Variants in DLG2 observed in about 807,000 individuals in gnomAD.
DLG2 encodes the protein disks large homolog 2.
A neutral mutation model predicts 132.5 loss-of-function variants in DLG2; 45 were observed. The observed-to-expected ratio is 0.34, with a 90% confidence interval of 0.27 to 0.44. The LOEUF (loss-of-function observed/expected upper bound fraction) is 0.44, where lower values mean the gene tolerates loss of function less well. Among genes scored for constraint, DLG2 ranks in the 20% least tolerant of loss-of-function variants. DLG2 has a pLI of 1.00. For missense variants in DLG2, 1,045 were observed against 1,196.9 expected, an observed-to-expected ratio of 0.87 and a Z score of 1.87; for synonymous variants, 424 against 419.6, an observed-to-expected ratio of 1.01 and a Z score of -0.13.
intron 6 of DLG2, among the ~76,000 whole-genome samples, chr11:84,966,773 T>C (rs181135456): frequency 3.4e-4 from 52 of 152,218 alleles, no homozygotes; most frequent in African/African-American, 1.3e-3. Flanking sequence ...GGAAAGAACA[T>C]CACATTTCTG....
chr11:85,116,382 A>G (rs1340204659), intron 5 of DLG2, among the ~76,000 whole-genome samples: 3 of 151,918 alleles, frequency 2.0e-5, no homozygotes, highest in Admixed American at 6.6e-5. Flanking sequence ...TCAATTTCAT[A>G]TATTTCTAAA....
chr11:84,592,932 C>T (rs1402829170), intron 6 of DLG2, among the ~76,000 whole-genome samples: 2 of 35,966 alleles, frequency 5.6e-5, no homozygotes, highest in Admixed American at 4.7e-4. Flanking sequence ...CCTGTCTCTA[C>T]TAAAAAAAAA....
chr11:84,475,887 G>A (rs577934797), intron 7 of DLG2, among the ~76,000 whole-genome samples: 12 of 152,106 alleles, frequency 7.9e-5, no homozygotes, highest in Admixed American at 3.9e-4. Flanking sequence ...GACCTCCTAG[G>A]GGAGGTTATA....
At chr11:84,770,866 C>A (rs1365693136) in intron 6 of DLG2, among the ~76,000 whole-genome samples, 1 of 151,186 alleles carries the variant, frequency 6.6e-6, no homozygotes, top group Non-Finnish European at 1.5e-5. Flanking sequence ...CCAGGGTGGT[C>A]TCAATCTCCT....
intron 7 of DLG2, among the ~76,000 whole-genome samples, chr11:84,474,333 A>G (rs1463771902): frequency 6.6e-6 from 1 of 152,092 alleles, no homozygotes; most frequent in East Asian, 1.9e-4. Context: ...ATGCTATCTA[A>G]TTTAATCCTC....
chr11:85,340,669 G>T (rs560514137), intron 3 of DLG2, among the ~76,000 whole-genome samples: 1 of 152,064 alleles, frequency 6.6e-6, no homozygotes, highest in Non-Finnish European at 1.5e-5. Context: ...TTTTTAAAAA[G>T]AATATTAGCC....
rs953423611 is a variant in DLG2 at position 85,378,479 on chromosome 11, C to G, written c.41-93114G>C. Among the ~76,000 whole-genome samples the G allele has an allele frequency of 6.6e-5, 10 of 152,142 alleles. No individual in the cohort carries two copies. In the East Asian group the frequency reaches 1.9e-3, roughly 29 times the overall value. ...AATGATTATACCTATTTTCTAGTTA[C>G]CAAATTAGATAAGACTTGGTATATA... On this transcript the variant is annotated intron_variant, in intron 3 of 27. Transcript: ENST00000376104.
At chr11:84,577,765 A>C (rs918518968) in intron 6 of DLG2, among the ~76,000 whole-genome samples, 4 of 152,234 alleles carry the variant, frequency 2.6e-5, no homozygotes, top group African/African-American at 9.6e-5. Flanking sequence ...CTGGCTGCAG[A>C]AATTTGCATA....
chr11:85,539,174 T>G (rs2075801447), intron 3 of DLG2, among the ~76,000 whole-genome samples: 1 of 151,848 alleles, frequency 6.6e-6, no homozygotes, highest in Non-Finnish European at 1.5e-5. Flanking sequence ...TCAAGTCTAT[T>G]ACCATTAGAT....
chr11:84,944,690 T>C, intron 6 of DLG2, among the ~76,000 whole-genome samples: 1 of 150,544 alleles, frequency 6.6e-6, no homozygotes, highest in Non-Finnish European at 1.5e-5. Context: ...CCGCAACCTC[T>C]ACCTCCTGGG....
chr11:83,887,791 C>T (rs904759744), intron 15 of DLG2, among the ~76,000 whole-genome samples: 2 of 149,922 alleles, frequency 1.3e-5, no homozygotes, highest in African/African-American at 4.9e-5. Context: ...AAGGCTGGTT[C>T]AATATACGCA....
intron 8 of DLG2, among the ~76,000 whole-genome samples, chr11:84,180,992 G>T (rs116299715): frequency 0.015 from 2,221 of 151,608 alleles, 48 homozygotes; most frequent in African/African-American, 0.05. Flanking sequence ...GAGCTCTGGA[G>T]AAAGAATATA....
At chr11:85,292,548 C>G (rs954749232) in intron 3 of DLG2, among the ~76,000 whole-genome samples, 4 of 150,662 alleles carry the variant, frequency 2.7e-5, no homozygotes, top group African/African-American at 9.8e-5. Context: ...AGTAAATGCT[C>G]ATACCCAAAG....
chr11:85,611,690 T>G (rs1008802153), intron 2 of DLG2, among the ~76,000 whole-genome samples: 1 of 152,256 alleles, frequency 6.6e-6, no homozygotes, highest in Non-Finnish European at 1.5e-5. Flanking sequence ...TGTATACAGA[T>G]AGCAGATATG....
chr11:84,771,588 C>A (rs866573949), intron 6 of DLG2, among the ~76,000 whole-genome samples: 2 of 152,098 alleles, frequency 1.3e-5, no homozygotes, highest in Non-Finnish European at 2.9e-5. Flanking sequence ...AATTACCCAG[C>A]CTCAGGTATT....
chr11:85,468,279 T>C (rs928427984), intron 3 of DLG2, among the ~76,000 whole-genome samples: 1 of 152,174 alleles, frequency 6.6e-6, no homozygotes, highest in African/African-American at 2.4e-5. Context: ...GATTCATTGA[T>C]TTTTTGAGGG....
chr11:84,883,820 T>C (rs1477452009), intron 6 of DLG2, among the ~76,000 whole-genome samples: 1 of 152,132 alleles, frequency 6.6e-6, no homozygotes, highest in Non-Finnish European at 1.5e-5. Flanking sequence ...AATAGGGTGA[T>C]ACTAAAATGG....
Position 84,020,050 on chromosome 11 carries a change from GC to G in DLG2, c.919+39264del, listed in dbSNP as rs2095344491. Among the ~76,000 whole-genome samples the G allele has an allele frequency of 2.6e-5, 4 of 152,230 alleles. 1 individual carries two copies. Among genetic ancestry groups the G allele is most frequent in the Middle Eastern group, 6.8e-3 (2 of 294 alleles). On this transcript the variant is annotated intron_variant, in intron 11 of 27. Coordinates refer to ENST00000376104, the MANE Select transcript of DLG2 (RefSeq NM_001142699.3). ...ATGGAGAACTTGCCTGTGGGGGATG[GC>G]TAAGGAACTTCAGGACTAGAGGTGG...
intron 11 of DLG2, among the ~76,000 whole-genome samples, chr11:84,001,846 T>C (rs1161126362): frequency 6.6e-6 from 1 of 152,060 alleles, no homozygotes; most frequent in Non-Finnish European, 1.5e-5. Context: ...AAATAATCAT[T>C]GGGTCAACAT....
Sources: allele counts gnomAD v4.1 joint callset (sites outside exome capture counted in the v4.1 genomes callset), GRCh38; gene constraint gnomAD v4.1.1; transcripts MANE v1.5; gene names NCBI Gene and HGNC (gene_info 2026-07-23, HGNC 2026-07-21).